The following DCDC2 variants were observed in gnomAD, a reference collection of about 807,000 sequenced individuals.
The protein encoded by DCDC2 is doublecortin domain-containing protein 2.
Under a neutral mutation model 50.2 loss-of-function variants are expected in DCDC2, and 40 were observed. That is an observed-to-expected ratio of 0.80 (90% CI 0.62 to 1.04). The LOEUF (loss-of-function observed/expected upper bound fraction) is 1.04. Among genes scored for constraint, DCDC2 ranks in the 50% least tolerant of loss-of-function variants. The pLI is 0.00. For missense variants in DCDC2, 570 were observed against 581.9 expected, an observed-to-expected ratio of 0.98 and a Z score of 0.21; for synonymous variants, 234 against 210.6, an observed-to-expected ratio of 1.11 and a Z score of -0.96.
chr6:24,377,135 A>C, the DCDC2 span, among the ~76,000 whole-genome samples: 1 of 152,226 alleles, frequency 6.6e-6, no homozygotes, highest in East Asian at 1.9e-4. Context: ...AATTCACTGG[A>C]GTCAATAAAT....
At chr6:24,318,730 A>G (rs777882363) in intron 2 of DCDC2, among the ~76,000 whole-genome samples, 6 of 151,876 alleles carry the variant, frequency 4.0e-5, no homozygotes, top group Non-Finnish European at 8.8e-5. Context: ...GGCAAAAGAC[A>G]TAATTTCATT....
At chr6:24,210,052 G>GTGTGTC (rs766130050) in intron 7 of DCDC2, among the ~76,000 whole-genome samples, 3,281 of 133,138 alleles carry the variant, frequency 0.025, 57 homozygotes, top group African/African-American at 0.053. Flanking sequence ...GTGTGTGTGT[G>GTGTGTC]TGTCTGTCTG....
chr6:24,183,360 A>C (rs1761126413), intron 8 of DCDC2, among the ~76,000 whole-genome samples: 1 of 152,222 alleles, frequency 6.6e-6, no homozygotes. Context: ...TACTGAGCCA[A>C]AGATTACATT....
At chr6:24,364,604 G>A in the DCDC2 span, among the ~76,000 whole-genome samples, 2 of 152,078 alleles carry the variant, frequency 1.3e-5, no homozygotes, top group Non-Finnish European at 2.9e-5. Context: ...ACAGAGGCTG[G>A]AACATAGTAA....
chr6:24,201,082 A>G (rs977865178), intron 8 of DCDC2, among the ~76,000 whole-genome samples: 1 of 151,732 alleles, frequency 6.6e-6, no homozygotes, highest in Admixed American at 6.6e-5. Flanking sequence ...CGCTATCAAT[A>G]TAAGACAGAT....
In DCDC2 at chr6:24,288,789, G is replaced by A. The variant is rs562081748; in HGVS notation, c.759+63C>T. On this transcript the variant is annotated intron_variant, in intron 6 of 9. Coordinates refer to ENST00000378454, the MANE Select transcript of DCDC2 (RefSeq NM_016356.5). The stretch of plus-strand genomic sequence containing the variant: ...TCTTGGAACTTAATTGAAGCCCAAA[G>A]GACAGTCTCTTTGTATCATATAAAA... 526 of 1,469,598 alleles carry A rather than the reference G, an allele frequency of 3.6e-4. 1 individual carries two copies. The highest frequency in any genetic ancestry group is 6.9e-4 in the Middle Eastern group (4 of 5,782). 91.0% of individuals were successfully genotyped at this position (1,469,598 alleles called of 1,614,324 possible). A position where few individuals can be genotyped will look rare whatever the true frequency, so the allele number is the denominator to read the frequency against.
intron 2 of DCDC2, among the ~76,000 whole-genome samples, chr6:24,342,957 A>C (rs1760186962): frequency 6.6e-6 from 1 of 151,896 alleles, no homozygotes; most frequent in Non-Finnish European, 1.5e-5. Context: ...GAGTCCTCCT[A>C]CAATTACCTT....
intron 6 of DCDC2, among the ~76,000 whole-genome samples, chr6:24,286,964 T>C (rs181538550): frequency 8.4e-4 from 128 of 152,314 alleles, no homozygotes; most frequent in Non-Finnish European, 4.0e-4. Flanking sequence ...CATACCAAGA[T>C]AGTTGCAACT....
Position 24,179,502 on chromosome 6 carries a change from C to T in DCDC2, c.1024-870G>A, listed in dbSNP as rs562582077. Among the ~76,000 whole-genome samples, 627 of 114,722 alleles carry T rather than the reference C, an allele frequency of 5.5e-3. 2 individuals are homozygous for T. The highest frequency in any genetic ancestry group is 0.035 in the Middle Eastern group (5 of 144). The allele number at this position is 114,722 out of a possible 152,430, so 75.3% of individuals were successfully genotyped here. A position where few individuals can be genotyped will look rare whatever the true frequency, so the allele number is the denominator to read the frequency against. On this transcript the variant is annotated intron_variant, in intron 8 of 9. Transcript: ENST00000378454. ...GGCAGAGCTTGCAGTGAGCCGAGAT[C>T]GCGCCACTGCACTCCAGCCTGGGTG... is the stretch of plus-strand genomic sequence containing the variant.
At chr6:24,175,384 T>C (rs1216954522) in intron 9 of DCDC2, among the ~76,000 whole-genome samples, 1 of 152,158 alleles carries the variant, frequency 6.6e-6, no homozygotes, top group Non-Finnish European at 1.5e-5. Flanking sequence ...CATTGTCTCA[T>C]GTACAACTCA....
chr6:24,194,319 T>C (rs1208619256), intron 8 of DCDC2, among the ~76,000 whole-genome samples: 1 of 152,190 alleles, frequency 6.6e-6, no homozygotes, highest in East Asian at 1.9e-4. Context: ...TTTAAAAAAA[T>C]TATTTTACTG....
At chr6:24,333,615 A>G (rs774548792) in intron 2 of DCDC2, among the ~76,000 whole-genome samples, 5 of 152,202 alleles carry the variant, frequency 3.3e-5, no homozygotes, top group Admixed American at 6.6e-5. Flanking sequence ...AGTCCAAAAA[A>G]CATTGATGTA....
At chr6:24,346,365 AT>A (rs1231177962) in intron 2 of DCDC2, among the ~76,000 whole-genome samples, 1 of 152,180 alleles carries the variant, frequency 6.6e-6, no homozygotes, top group African/African-American at 2.4e-5. Context: ...AGGCCAAGGT[AT>A]TTTTAAGAGT....
chr6:24,315,151 G>A (rs1368121061), intron 2 of DCDC2, among the ~76,000 whole-genome samples: 2 of 148,056 alleles, frequency 1.4e-5, no homozygotes, highest in Non-Finnish European at 3.0e-5. Flanking sequence ...GTTCCAGGAT[G>A]GAAAATGATA....
chr6:24,197,751 G>A (rs1761478608), intron 8 of DCDC2, among the ~76,000 whole-genome samples: 1 of 152,096 alleles, frequency 6.6e-6, no homozygotes, highest in Non-Finnish European at 1.5e-5. Flanking sequence ...GATCATCTAT[G>A]GAATTTGTCA....
At chr6:24,284,061 C>G (rs1209084721) in intron 6 of DCDC2, among the ~76,000 whole-genome samples, 5 of 152,182 alleles carry the variant, frequency 3.3e-5, no homozygotes, top group African/African-American at 1.2e-4. Flanking sequence ...GCATTTAGTA[C>G]TTCAGAATCT....
chr6:24,345,134 T>C (rs1459112438), intron 2 of DCDC2, among the ~76,000 whole-genome samples: 2 of 152,172 alleles, frequency 1.3e-5, no homozygotes, highest in Non-Finnish European at 2.9e-5. Flanking sequence ...TGAAGCCTCT[T>C]GGGTCTCAAA....
At position 24,336,233 on chromosome 6, in the gene DCDC2, C is replaced by T. The variant is rs1393121423; in HGVS notation, c.348+17336G>A. Among the ~76,000 whole-genome samples, 7 of 152,144 alleles carry T rather than the reference C, an allele frequency of 4.6e-5. No homozygotes were observed. The South Asian group carries it at 6.2e-4, about 14-fold the overall frequency. On this transcript the variant is annotated intron_variant, in intron 2 of 9. Coordinates refer to ENST00000378454, the MANE Select transcript of DCDC2 (RefSeq NM_016356.5). ...ATTTCCTGGCTGCTTATTCTCTCAA[C>T]GTAGTTCTCCAGCCCCACCAGAGAT...
intron 1 of DCDC2, among the ~76,000 whole-genome samples, chr6:24,355,762 A>G (rs1219584297): frequency 6.6e-6 from 1 of 152,212 alleles, no homozygotes; most frequent in South Asian, 2.1e-4. Flanking sequence ...CTCACTTTCC[A>G]TGAAAAGAAT....
Sources: allele counts gnomAD v4.1 joint callset (sites outside exome capture counted in the v4.1 genomes callset), GRCh38; gene constraint gnomAD v4.1.1; transcripts MANE v1.5; gene names NCBI Gene and HGNC (gene_info 2026-07-23, HGNC 2026-07-21).